Variants in PTGFRN observed in about 807,000 individuals in gnomAD.
PTGFRN encodes prostaglandin F2 receptor inhibitor, also known as prostaglandin F2 receptor negative regulator.
In PTGFRN, 35 loss-of-function variants were observed where a neutral mutation model predicts 83.2. That is an observed-to-expected ratio of 0.42 (90% CI 0.32 to 0.56). PTGFRN has a LOEUF of 0.56. Ranked by LOEUF, PTGFRN falls within the 20% of genes least tolerant of loss-of-function variation. The pLI, the probability that PTGFRN is intolerant of heterozygous loss-of-function variation, is 0.11. For missense variants in PTGFRN, 1,051 were observed against 1,179.5 expected (o/e 0.89, Z 1.60); for synonymous variants, 519 against 498.6 (o/e 1.04, Z -0.55).
At chr1:116,955,918 A>G (rs934984449) in intron 4 of PTGFRN, among the ~76,000 whole-genome samples, 1 of 152,210 alleles carries the variant, frequency 6.6e-6, no homozygotes, top group African/African-American at 2.4e-5. Context: ...GATTTGTTGA[A>G]TACGAAATAG....
intron 1 of PTGFRN, among the ~76,000 whole-genome samples, chr1:116,912,338 G>A (rs1557955128): frequency 1.3e-5 from 2 of 152,164 alleles, no homozygotes; most frequent in Non-Finnish European, 2.9e-5. Context: ...CACTCGGTGT[G>A]GCTTCAGCCT....
At chr1:116,949,070 C>T in intron 3 of PTGFRN, 122 bp from the exon 4 acceptor site, 5 of 1,245,688 alleles carry the variant, frequency 4.0e-6, no homozygotes, top group Non-Finnish European at 4.4e-6. Context: ...TACAACTGTA[C>T]AAAGCCTTCT....
chr1:116,913,538 G>T (rs1180522140), intron 1 of PTGFRN, among the ~76,000 whole-genome samples: 2 of 152,072 alleles, frequency 1.3e-5, no homozygotes, highest in Non-Finnish European at 1.5e-5. Context: ...GGGTAGATTT[G>T]TTGGTGCTCT....
At chr1:116,967,431 T>A in intron 6 of PTGFRN, 101 bp downstream of exon 6, 1 of 1,206,220 alleles carries the variant, frequency 8.3e-7, no homozygotes, top group Non-Finnish European at 1.2e-6. Context: ...TAAGATGCAA[T>A]TCATATGCCA....
intron 4 of PTGFRN, among the ~76,000 whole-genome samples, chr1:116,949,875 C>T (rs1048850442): frequency 3.9e-5 from 6 of 152,144 alleles, no homozygotes; most frequent in African/African-American, 1.4e-4. Flanking sequence ...TGAAATGAAT[C>T]TTTGTTGGAG....
chr1:116,944,861 C>G lies in PTGFRN; in HGVS notation c.601C>G (p.His201Asp), dbSNP rs750215384. The change falls in exon 3 of 9, where the codon CAC (histidine) becomes GAC (aspartate). Residue 201 changes from histidine (H) to aspartate (D), a missense_variant. Physicochemically the swap from His to Asp is moderately conservative, Grantham distance 81 (BLOSUM62 -1). Coordinates refer to ENST00000393203, the MANE Select transcript of PTGFRN (RefSeq NM_020440.4). ...PARRSVLALT[H>D]EGRFHPGLGY... ...CAGGCGGAGCGTCCTCGCCCTGACC[C>G]ACGAGGGCAGGTTCCACCCGGGCCT... 6.2e-7 allele frequency: 1 copy of G among 1,604,058 alleles called. No individual in the cohort carries two copies. The highest frequency in any genetic ancestry group is 1.7e-5 in the Admixed American group (1 of 59,378).
chr1:116,941,758 G>C lies in PTGFRN; in HGVS notation c.93G>C (p.Leu31=). The C allele has an allele frequency of 1.2e-6, 2 of 1,614,144 alleles. No individual in the cohort carries two copies. Among genetic ancestry groups the C allele is most frequent in the South Asian group, 1.1e-5 (1 of 91,082 alleles). The change falls in exon 2 of 9, where the codon CTG becomes CTC. Residue 31 remains leucine, a synonymous_variant. Coordinates refer to ENST00000393203, the MANE Select transcript of PTGFRN (RefSeq NM_020440.4). The surrounding 1 kb of genome is among the most constrained non-coding windows in gnomAD (Gnocchi z 5.0). ...GRVVRVPTAT[L]VRVVGTELVI... is the part of the protein sequence containing the mutation. ...TGGTGAGAGTCCCCACAGCGACCCT[G>C]GTTCGAGTGGTGGGCACTGAGCTGG...
intron 7 of PTGFRN, among the ~76,000 whole-genome samples, chr1:116,982,706 G>A (rs1213443084): frequency 1.3e-5 from 2 of 152,200 alleles, no homozygotes; most frequent in African/African-American, 4.8e-5. Flanking sequence ...GGGAGTTCTG[G>A]AGCATGAGTG....
intron 4 of PTGFRN, among the ~76,000 whole-genome samples, chr1:116,957,783 C>T (rs1650539609): frequency 6.6e-6 from 1 of 152,182 alleles, no homozygotes; most frequent in Non-Finnish European, 1.5e-5. Flanking sequence ...CTCCATCCCC[C>T]AGCCTCTGGT....
chr1:116,920,774 C>T (rs1248140247), intron 1 of PTGFRN, among the ~76,000 whole-genome samples: 1 of 152,098 alleles, frequency 6.6e-6, no homozygotes, highest in African/African-American at 2.4e-5. Context: ...CAGGGATGTG[C>T]CACTACACCG....
chr1:116,910,718 T>G (rs1649248405), intron 1 of PTGFRN, among the ~76,000 whole-genome samples: 1 of 151,728 alleles, frequency 6.6e-6, no homozygotes, highest in East Asian at 2.0e-4. Flanking sequence ...CCGCGCGGAG[T>G]TGCCTTTCCA....
At chr1:116,947,468 C>T (rs1038450664) in intron 3 of PTGFRN, among the ~76,000 whole-genome samples, 3 of 152,194 alleles carry the variant, frequency 2.0e-5, no homozygotes, top group Non-Finnish European at 4.4e-5. Flanking sequence ...ACTCCCAAAT[C>T]CAGAATGTGT....
At chr1:116,960,045 T>G (rs1207099004) in intron 4 of PTGFRN, among the ~76,000 whole-genome samples, 1 of 152,204 alleles carries the variant, frequency 6.6e-6, no homozygotes, top group Non-Finnish European at 1.5e-5. Context: ...AAACATTTAC[T>G]GAGTGCCTAC....
intron 1 of PTGFRN, among the ~76,000 whole-genome samples, chr1:116,938,497 C>A (rs1023586638): frequency 1.3e-4 from 20 of 152,182 alleles, no homozygotes; most frequent in African/African-American, 4.3e-4. Flanking sequence ...ACCATCAGAT[C>A]TCACGAGACT....
intron 1 of PTGFRN, among the ~76,000 whole-genome samples, chr1:116,910,888 CGTA>C (rs1649255125): frequency 1.3e-5 from 2 of 152,146 alleles, no homozygotes; most frequent in Non-Finnish European, 2.9e-5. Flanking sequence ...TGCCTAGCTG[CGTA>C]TTTATACACA....
At chr1:116,925,930 C>A (rs149226638) in intron 1 of PTGFRN, among the ~76,000 whole-genome samples, 2 of 152,166 alleles carry the variant, frequency 1.3e-5, no homozygotes, top group African/African-American at 2.4e-5. Flanking sequence ...AACCCAGAGT[C>A]TTTTTTAATT....
intron 3 of PTGFRN, among the ~76,000 whole-genome samples, chr1:116,946,357 C>T (rs1650202731): frequency 6.6e-6 from 1 of 152,178 alleles, no homozygotes; most frequent in Admixed American, 6.5e-5. Flanking sequence ...AGAGGAGCTG[C>T]TCATTACTGG....
intron 4 of PTGFRN, among the ~76,000 whole-genome samples, chr1:116,959,537 G>A (rs1292716820): frequency 2.0e-5 from 3 of 152,186 alleles, no homozygotes; most frequent in Non-Finnish European, 1.5e-5. Flanking sequence ...TTTGTAATCT[G>A]TATGTCATAA....
At chr1:116,963,774 A>G (rs1480686526) in intron 5 of PTGFRN, among the ~76,000 whole-genome samples, 4 of 142,634 alleles carry the variant, frequency 2.8e-5, no homozygotes, top group Middle Eastern at 7.1e-3. Flanking sequence ...CATTCAGCTA[A>G]TTTTTTTTTT....
Sources: allele counts gnomAD v4.1 joint callset (sites outside exome capture counted in the v4.1 genomes callset), GRCh38; gene constraint gnomAD v4.1.1; non-coding constraint Gnocchi (gnomAD v3.1); transcripts MANE v1.5; gene names NCBI Gene and HGNC (gene_info 2026-07-23, HGNC 2026-07-21).